Variants in THAP1 observed in about 807,000 individuals in gnomAD.
THAP1 encodes the protein THAP domain-containing protein 1.
A neutral mutation model predicts 18.2 loss-of-function variants in THAP1; 6 were observed. The observed-to-expected ratio is 0.33, with a 90% CI of 0.18 to 0.65. The LOEUF is 0.65. THAP1 is among the 30% of genes least tolerant of loss of function. The pLI is 0.74. For synonymous variants in THAP1, 85 were observed against 90.5 expected, an observed-to-expected ratio of 0.94 and a Z score of 0.34; for missense variants, 176 against 253.0, an observed-to-expected ratio of 0.70 and a Z score of 2.06.
intron 1 of THAP1, among the ~76,000 whole-genome samples, chr8:42,840,776 G>A (rs1009378209): frequency 1.3e-5 from 2 of 152,012 alleles, no homozygotes; most frequent in Admixed American, 6.5e-5. Flanking sequence ...AGACCATCCT[G>A]GCCAACATGG....
At chr8:42,840,002 G>C (rs1802686815) in intron 1 of THAP1, among the ~76,000 whole-genome samples, 1 of 152,126 alleles carries the variant, frequency 6.6e-6, no homozygotes, top group Non-Finnish European at 1.5e-5. Flanking sequence ...TTCGAGACTA[G>C]CCTGGGCAAC....
rs200196616 is a variant in THAP1 at position 42,838,341 on chromosome 8, A to G, written c.268-5T>C. The G allele has an allele frequency of 6.2e-7, 1 of 1,613,410 alleles. No individual in the cohort carries two copies. The highest frequency in any genetic ancestry group is 8.5e-7 in the Non-Finnish European group (1 of 1,179,876). ...TGGCTCCAGAAGATCTTCTTTCTAA[A>G]ACAAAAATACAAAGTATGTTTGAAT... is the stretch of plus-strand genomic sequence containing the variant. On this transcript the variant is annotated splice_polypyrimidine_tract_variant and splice_region_variant and intron_variant, in intron 2 of 2. Coordinates refer to ENST00000254250, the MANE Select transcript of THAP1 (RefSeq NM_018105.3).
In THAP1 at chr8:42,842,005, G is replaced by T. The variant is rs966746998; in HGVS notation, c.71+1019C>A. Reference sequence around the variant, plus strand: ...AGCAAAAAAATAAATTAACTGAAAAGATATTTAACATTTTGCTTTTGTAAT... The same window carrying T: ...AGCAAAAAAATAAATTAACTGAAAATATATTTAACATTTTGCTTTTGTAAT... On this transcript the variant is annotated intron_variant, in intron 1 of 2. Coordinates refer to ENST00000254250, the MANE Select transcript of THAP1 (RefSeq NM_018105.3). 3.3e-5 allele frequency among the ~76,000 whole-genome samples: 5 copies of T among 152,170 alleles called. No individual in the cohort carries two copies. In the South Asian group the frequency reaches 1.0e-3, roughly 32 times the overall value.
intron 1 of THAP1, chr8:42,842,797 G>A (rs1471337287): frequency 4.9e-6 from 1 of 202,420 alleles, no homozygotes; most frequent in African/African-American, 2.4e-5. Flanking sequence ...CCTGCAACCA[G>A]GGCCTGTTCC....
chr8:42,837,908 T>TAGAGG lies in THAP1; in HGVS notation c.*49_*53dup. 6.3e-7 allele frequency: 1 copy of TAGAGG among 1,593,126 alleles called. No individual in the cohort carries two copies. The highest frequency in any genetic ancestry group is 1.1e-5 in the South Asian group (1 of 89,428). ...TTTTAAATGAAACTCCTTTACAGGC[T>TAGAGG]AGAGGAGGATATGTGGTATTGCCCC... is the stretch of plus-strand genomic sequence containing the variant. On this transcript the variant is annotated 3_prime_UTR_variant, in exon 3 of 3. Coordinates refer to ENST00000254250, the MANE Select transcript of THAP1 (RefSeq NM_018105.3).
Position 42,843,256 on chromosome 8 carries a change from G to C in THAP1, c.-162C>G. The C allele has an allele frequency of 1.2e-6, 1 of 813,522 alleles. No individual in the cohort carries two copies. Among genetic ancestry groups the C allele is most frequent in the Non-Finnish European group, 2.1e-6 (1 of 485,184 alleles). The allele number at this position is 813,522 out of a possible 1,614,324, so 50.4% of individuals were successfully genotyped here. On this transcript the variant is annotated 5_prime_UTR_variant, in exon 1 of 3. Coordinates refer to ENST00000254250, the MANE Select transcript of THAP1 (RefSeq NM_018105.3). ...CGGGGGTGACTAGTGTGCCCGTTTT[G>C]TTGTTTGCATTAGCAGAAGGACCAC...
chr8:42,839,530 C>T (rs1289608403), intron 1 of THAP1, 149 bp from the exon 2 acceptor site: 3 of 849,444 alleles, frequency 3.5e-6, no homozygotes, highest in Non-Finnish European at 5.3e-6. Context: ...CTCTAGTTAT[C>T]TATTTATCTC....
At chr8:42,841,946 T>C (rs1802726442) in intron 1 of THAP1, among the ~76,000 whole-genome samples, 1 of 152,186 alleles carries the variant, frequency 6.6e-6, no homozygotes, top group Non-Finnish European at 1.5e-5. Flanking sequence ...AAAAAATGCA[T>C]GGACACTCCC....
chr8:42,840,836 G>A (rs1028026842), intron 1 of THAP1, among the ~76,000 whole-genome samples: 1 of 151,918 alleles, frequency 6.6e-6, no homozygotes, highest in African/African-American at 2.4e-5. Context: ...GCGTGGTGGT[G>A]CACACCTGTA....
intron 2 of THAP1, 109 bp downstream of exon 2, chr8:42,839,077 T>C: frequency 8.4e-7 from 1 of 1,193,274 alleles, no homozygotes; most frequent in Non-Finnish European, 1.2e-6. Context: ...ACTACAAGGT[T>C]CCAGGCACAT....
At chr8:42,842,901 C>T in intron 1 of THAP1, 123 bp downstream of exon 1, 3 of 754,868 alleles carry the variant, frequency 4.0e-6, no homozygotes, top group Non-Finnish European at 5.2e-6. Flanking sequence ...ACGCCCGACA[C>T]GGCCGGCCCC....
chr8:42,843,221 T>C lies in THAP1; in HGVS notation c.-127A>G. 1.7e-6 allele frequency: 2 copies of C among 1,172,916 alleles called. No individual in the cohort carries two copies. Among genetic ancestry groups the C allele is most frequent in the Non-Finnish European group, 2.5e-6 (2 of 790,076 alleles). 72.7% of individuals were successfully genotyped at this position (1,172,916 alleles called of 1,614,324 possible). ...CTTTGGCCAACAGTTACAGTGATGG[T>C]GGCCTCCCTCGGGGGTGACTAGTGT... On this transcript the variant is annotated 5_prime_UTR_variant, in exon 1 of 3. Coordinates refer to ENST00000254250, the MANE Select transcript of THAP1 (RefSeq NM_018105.3).
intron 1 of THAP1, among the ~76,000 whole-genome samples, chr8:42,841,294 CTTTTT>C (rs775435611): frequency 9.4e-5 from 9 of 95,946 alleles, no homozygotes; most frequent in East Asian, 3.6e-4. Flanking sequence ...ACAGTTGTAT[CTTTTT>C]TTTTTTTTTT....
At chr8:42,841,885 TAC>T (rs140631373) in intron 1 of THAP1, among the ~76,000 whole-genome samples, 2,323 of 152,316 alleles carry the variant, frequency 0.015, 32 homozygotes, top group Non-Finnish European at 0.022. Flanking sequence ...CTCTATGTTC[TAC>T]ACACTCTTAT....
chr8:42,842,848 A>G (rs1432289609), intron 1 of THAP1, 176 bp downstream of exon 1: 1 of 311,048 alleles, frequency 3.2e-6, no homozygotes, highest in Non-Finnish European at 5.1e-6. Flanking sequence ...GCGCGCCGAG[A>G]ACGCGCGATC....
intron 2 of THAP1, among the ~76,000 whole-genome samples, chr8:42,838,651 C>T (rs182651293): frequency 6.6e-6 from 1 of 152,048 alleles, no homozygotes; most frequent in Non-Finnish European, 1.5e-5. Flanking sequence ...CATGTCACTG[C>T]ACTCCAGCCT....
intron 1 of THAP1, among the ~76,000 whole-genome samples, chr8:42,841,294 C>CTTTTTTTTTTTTTTT (rs775435611): frequency 1.0e-5 from 1 of 95,936 alleles, no homozygotes; most frequent in East Asian, 3.6e-4. Flanking sequence ...ACAGTTGTAT[C>CTTTTTTTTTTTTTTT]TTTTTTTTTT....
Position 42,839,191 on chromosome 8 carries a change from C to T in THAP1, c.262G>A (p.Asp88Asn). 1 of 1,614,016 alleles carries T rather than the reference C, an allele frequency of 6.2e-7. No individual in the cohort carries two copies. Among genetic ancestry groups the T allele is most frequent in the South Asian group, 1.1e-5 (1 of 91,070 alleles). The change falls in exon 2 of 3, where the codon GAC (aspartate) becomes AAC (asparagine). Residue 88 changes from aspartate to asparagine, a missense_variant. Physicochemically the swap from Asp to Asn is conservative, Grantham distance 23. Transcript: ENST00000254250. ...TATTTTAAAATGCATATTACCTTGTCATGTGGCTCAGTACAAAGAAATATT... is the reference window on the plus strand; with the variant it reads ...TATTTTAAAATGCATATTACCTTGTTATGTGGCTCAGTACAAAGAAATATT... ...PTIFLCTEPH[D>N]KKEDLLEPQE...
chr8:42,839,163 C>G, intron 2 of THAP1, 23 bp downstream of exon 2: 3 of 1,613,154 alleles, frequency 1.9e-6, no homozygotes, highest in Non-Finnish European at 2.5e-6. Flanking sequence ...AAAAGCAACC[C>G]AATATTTTAA....
Sources: allele counts gnomAD v4.1 joint callset (sites outside exome capture counted in the v4.1 genomes callset), GRCh38; gene constraint gnomAD v4.1.1; transcripts MANE v1.5; gene names NCBI Gene and HGNC (gene_info 2026-07-23, HGNC 2026-07-21).